BCAS3: variants seen among roughly 807,000 people sequenced by gnomAD.
BCAS3 encodes the protein BCAS3 microtubule associated cell migration factor, also known as BCAS4/BCAS3 fusion.
A neutral mutation model predicts 116.1 loss-of-function variants in BCAS3; 53 were observed. That is an observed-to-expected ratio of 0.46 (90% CI 0.37 to 0.57). The LOEUF (loss-of-function observed/expected upper bound fraction) is 0.57, where lower values mean the gene tolerates loss of function less well. Among genes scored for constraint, BCAS3 ranks in the 20% least tolerant of loss-of-function variants. BCAS3 has a pLI of 0.00. For synonymous variants in BCAS3, 391 were observed against 408.2 expected (o/e 0.96, Z 0.51); for missense variants, 917 against 1,165.4 (o/e 0.79, Z 3.10).
At chr17:61,165,305 G>T (rs1269929504) in intron 22 of BCAS3, among the ~76,000 whole-genome samples, 1 of 152,172 alleles carries the variant, frequency 6.6e-6, no homozygotes, top group Non-Finnish European at 1.5e-5. Context: ...CTTAACCTTA[G>T]TGCCCACCAA....
intron 9 of BCAS3, among the ~76,000 whole-genome samples, chr17:60,888,405 C>T (rs1001871009): frequency 5.3e-5 from 8 of 152,168 alleles, no homozygotes; most frequent in Admixed American, 2.6e-4. Context: ...TTTTTCATGA[C>T]GAATTTTAAA....
rs72319489 is a variant in BCAS3 at position 60,786,547 on chromosome 17, G to GTATATA, written c.404-21438_404-21433dup. On this transcript the variant is annotated intron_variant, in intron 6 of 23. Coordinates refer to ENST00000407086, the MANE Select transcript of BCAS3 (RefSeq NM_017679.5). ...AACATTCCCCACTGCCTGCAAATGT[G>GTATATA]TATATATATATATATATATATATAA... Among the ~76,000 whole-genome samples, 2,014 of 140,720 alleles carry GTATATA rather than the reference G, an allele frequency of 0.014. 185 individuals are homozygous for GTATATA. The East Asian group carries it at 0.25, about 17-fold the overall frequency. The allele number at this position is 140,720 out of a possible 152,430, so 92.3% of individuals were successfully genotyped here.
chr17:60,772,466 A>G (rs1205831528), intron 6 of BCAS3, among the ~76,000 whole-genome samples: 1 of 152,198 alleles, frequency 6.6e-6, no homozygotes, highest in African/African-American at 2.4e-5. Context: ...GCCCTTTGTC[A>G]GATGGGTAGA....
rs563719551 is a variant in BCAS3, at chr17:60,753,367, T to C, written c.403+6088T>C. On this transcript the variant is annotated intron_variant, in intron 6 of 23. Transcript: ENST00000407086. ...AAGTTTAATTAAAATTTTATTTTGTTGTTATTTGTCTCTTATTTTATTTAT... is the reference window on the plus strand; with the variant it reads ...AAGTTTAATTAAAATTTTATTTTGTCGTTATTTGTCTCTTATTTTATTTAT... Among the ~76,000 whole-genome samples the C allele has an allele frequency of 1.8e-3, 270 of 149,952 alleles. 1 individual carries two copies. The highest frequency in any genetic ancestry group is 3.4e-3 in the Admixed American group (51 of 14,890).
chr17:60,889,060 T>C (rs535822268), intron 9 of BCAS3, among the ~76,000 whole-genome samples: 4 of 152,322 alleles, frequency 2.6e-5, no homozygotes, highest in African/African-American at 9.6e-5. Flanking sequence ...TGGAGGAAGA[T>C]AGAAAATAAA....
chr17:61,205,305 T>C lies in BCAS3; in HGVS notation c.2425+120741T>C, dbSNP rs2081058684. On this transcript the variant is annotated intron_variant, in intron 22 of 23. Coordinates refer to ENST00000407086, the MANE Select transcript of BCAS3 (RefSeq NM_017679.5). The surrounding 1 kb of genome is among the most constrained non-coding windows in gnomAD (Gnocchi z 5.2). ...GTTTTAGGAAGGAAAACTGGTTACA[T>C]TTCAGCATATACAGCTGGACTTCCT... 6.6e-6 allele frequency among the ~76,000 whole-genome samples: 1 copy of C among 152,234 alleles called. No homozygotes were observed. The highest frequency in any genetic ancestry group is 2.1e-4 in the South Asian group (1 of 4,836).
At chr17:60,941,576 GA>G (rs2145224820) in intron 13 of BCAS3, among the ~76,000 whole-genome samples, 1 of 152,108 alleles carries the variant, frequency 6.6e-6, no homozygotes, top group African/African-American at 2.4e-5. Flanking sequence ...AAAATTTTGT[GA>G]AAAAAGTAAA....
At position 60,718,457 on chromosome 17, in the gene BCAS3, C is replaced by T. The variant is rs117527613; in HGVS notation, c.321+9132C>T. ...TGGTTAGTTTTTAAATTTTTTTAGA[C>T]AGAGTCTTGCTCTGTTGCCCAGGCT... On this transcript the variant is annotated intron_variant, in intron 5 of 23. Coordinates refer to ENST00000407086, the MANE Select transcript of BCAS3 (RefSeq NM_017679.5). 1.7e-3 allele frequency among the ~76,000 whole-genome samples: 259 copies of T among 152,218 alleles called. 5 individuals carry two copies. The East Asian group carries it at 0.04, about 24-fold the overall frequency.
At chr17:61,143,581 G>A (rs1035354023) in intron 22 of BCAS3, among the ~76,000 whole-genome samples, 25 of 152,116 alleles carry the variant, frequency 1.6e-4, no homozygotes, top group African/African-American at 4.1e-4. Context: ...AGGCTGAGGC[G>A]GGTGGATCAC....
chr17:61,331,507 T>C (rs2143116362), intron 22 of BCAS3, among the ~76,000 whole-genome samples: 1 of 152,160 alleles, frequency 6.6e-6, no homozygotes, highest in South Asian at 2.1e-4. Flanking sequence ...AAGGAAAAGG[T>C]CCAGGCCAGG....
In BCAS3 at chr17:60,772,115, C is replaced by T. The variant is rs181888687; in HGVS notation, c.403+24836C>T. Among the ~76,000 whole-genome samples, 358 of 152,294 alleles carry T rather than the reference C, an allele frequency of 2.4e-3. 2 individuals are homozygous for T. Among genetic ancestry groups the T allele is most frequent in the African/African-American group, 8.3e-3 (343 of 41,558 alleles). ...CAAATGCTATTTCTAGTTCTAGATC[C>T]TTGAGGAATCGCCACACTGTCTTCC... is the stretch of plus-strand genomic sequence containing the variant. On this transcript the variant is annotated intron_variant, in intron 6 of 23. Transcript: ENST00000407086.
intron 7 of BCAS3, among the ~76,000 whole-genome samples, chr17:60,867,615 T>C (rs746622570): frequency 6.6e-6 from 1 of 152,226 alleles, no homozygotes; most frequent in African/African-American, 2.4e-5. Context: ...GGTAAATCCA[T>C]ATATTCTAAC....
At chr17:61,147,752 C>T (rs989605836) in intron 22 of BCAS3, among the ~76,000 whole-genome samples, 7 of 151,886 alleles carry the variant, frequency 4.6e-5, no homozygotes, top group Admixed American at 2.0e-4. Flanking sequence ...TTCGGGAGGC[C>T]GAGGTGGGCG....
chr17:61,043,300 G>A (rs115846627), intron 19 of BCAS3, among the ~76,000 whole-genome samples: 19 of 152,134 alleles, frequency 1.2e-4, no homozygotes, highest in African/African-American at 4.3e-4. Context: ...CCTGGGAGGT[G>A]AAGGTTGGAG....
chr17:61,138,784 A>G (rs1483934569), intron 22 of BCAS3, among the ~76,000 whole-genome samples: 3 of 152,200 alleles, frequency 2.0e-5, no homozygotes, highest in Admixed American at 2.0e-4. Context: ...AATTCAGCAG[A>G]AAAGTAACAA....
At chr17:61,176,138 C>CAAAAAAAA (rs534042215) in intron 22 of BCAS3, among the ~76,000 whole-genome samples, 27 of 49,892 alleles carry the variant, frequency 5.4e-4, no homozygotes, top group South Asian at 9.0e-4. Flanking sequence ...GACCCTATCT[C>CAAAAAAAA]AAAAAAAAAA....
chr17:60,684,466 G>A (rs982339667), intron 3 of BCAS3, among the ~76,000 whole-genome samples: 9 of 151,762 alleles, frequency 5.9e-5, no homozygotes, highest in African/African-American at 2.2e-4. Context: ...GCCAACTAAG[G>A]TATCCTGTTA....
Position 61,347,207 on chromosome 17 carries a change from G to A in BCAS3, c.2426-21120G>A, listed in dbSNP as rs1034907826. 3.9e-5 allele frequency among the ~76,000 whole-genome samples: 6 copies of A among 151,978 alleles called. No homozygotes were observed. Among genetic ancestry groups the A allele is most frequent in the Admixed American group, 2.0e-4 (3 of 15,258 alleles). On this transcript the variant is annotated intron_variant, in intron 22 of 23. Transcript: ENST00000407086. The surrounding 1 kb of genome is among the most constrained non-coding windows in gnomAD (Gnocchi z 4.3). ...CTCCTGCCTCCCGCCTCAGCCTCCC[G>A]AGTAGCTGGGATTACAGGCATGCAC... is the stretch of plus-strand genomic sequence containing the variant.
At chr17:61,075,670 A>G (rs2071908693) in intron 20 of BCAS3, among the ~76,000 whole-genome samples, 1 of 152,170 alleles carries the variant, frequency 6.6e-6, no homozygotes, top group African/African-American at 2.4e-5. Context: ...GGTTTAAAAT[A>G]AAAGTTGACC....
Sources: allele counts gnomAD v4.1 joint callset (sites outside exome capture counted in the v4.1 genomes callset), GRCh38; gene constraint gnomAD v4.1.1; non-coding constraint Gnocchi (gnomAD v3.1); transcripts MANE v1.5; gene names NCBI Gene and HGNC (gene_info 2026-07-23, HGNC 2026-07-21).